PTPRT: variants seen among roughly 807,000 people sequenced by gnomAD.
PTPRT encodes receptor-type tyrosine-protein phosphatase T.
PTPRT carries 56 observed loss-of-function variants against 176.8 expected under a neutral mutation model. The ratio of observed to expected loss-of-function variants is 0.32; its 90% CI spans 0.26 to 0.40. PTPRT has a LOEUF of 0.40. Among genes scored for constraint, PTPRT ranks in the 10% least tolerant of loss-of-function variants. The pLI is 1.00. For synonymous variants in PTPRT, 783 were observed against 739.0 expected, an observed-to-expected ratio of 1.06 and a Z score of -0.96; for missense variants, 1,540 against 1,908.2, an observed-to-expected ratio of 0.81 and a Z score of 3.60.
rs188345151 is a variant in PTPRT at position 42,176,684 on chromosome 20, T to A, written c.2492-15142A>T. ...TCATTCATAAAAATTATAATAAGAC[T>A]AAGGAATGCAAAATAGTTGCAGAGT... is the stretch of plus-strand genomic sequence containing the variant. On this transcript the variant is annotated intron_variant, in intron 16 of 30. Coordinates refer to ENST00000373187, the MANE Select transcript of PTPRT (RefSeq NM_007050.6). Among the ~76,000 whole-genome samples, 391 of 152,234 alleles carry A rather than the reference T, an allele frequency of 2.6e-3. 1 individual carries two copies. The highest frequency in any genetic ancestry group is 3.0e-3 in the Non-Finnish European group (202 of 68,010).
At chr20:42,916,974 C>T (rs1247072549) in intron 1 of PTPRT, among the ~76,000 whole-genome samples, 1 of 152,188 alleles carries the variant, frequency 6.6e-6, no homozygotes, top group African/African-American at 2.4e-5. Context: ...AATGAGATCC[C>T]ATTTGTCTAT....
chr20:42,170,968 C>G (rs1990056769), intron 16 of PTPRT, among the ~76,000 whole-genome samples: 1 of 152,120 alleles, frequency 6.6e-6, no homozygotes, highest in East Asian at 1.9e-4. Context: ...AACATCTAGG[C>G]TGGAAAATGG....
intron 6 of PTPRT, among the ~76,000 whole-genome samples, chr20:42,695,938 A>AG (rs2075866932): frequency 1.3e-5 from 2 of 152,308 alleles, no homozygotes; most frequent in South Asian, 4.1e-4. Flanking sequence ...AATGACCCTC[A>AG]GTGACTCCCT....
intron 13 of PTPRT, among the ~76,000 whole-genome samples, chr20:42,263,116 T>C (rs1452846657): frequency 1.3e-5 from 2 of 152,100 alleles, no homozygotes; most frequent in Non-Finnish European, 2.9e-5. Flanking sequence ...AAAAAAGGGA[T>C]AGGCACTAGG....
chr20:42,786,030 G>A (rs1353564164), intron 3 of PTPRT, among the ~76,000 whole-genome samples: 1 of 152,140 alleles, frequency 6.6e-6, no homozygotes, highest in East Asian at 1.9e-4. Context: ...GATACTGAAT[G>A]AGTTATCACA....
At chr20:42,559,717 T>A (rs999970744) in intron 7 of PTPRT, among the ~76,000 whole-genome samples, 1 of 152,200 alleles carries the variant, frequency 6.6e-6, no homozygotes, top group Admixed American at 6.5e-5. Context: ...CTGATGCTAT[T>A]CTAAATGCAA....
At chr20:42,772,757 C>T (rs1184087516) in intron 4 of PTPRT, among the ~76,000 whole-genome samples, 3 of 152,172 alleles carry the variant, frequency 2.0e-5, no homozygotes, top group Non-Finnish European at 4.4e-5. Context: ...CTTTGGCCAT[C>T]TTTCTACAAG....
chr20:42,561,941 C>T (rs2072959118), intron 7 of PTPRT, among the ~76,000 whole-genome samples: 1 of 152,144 alleles, frequency 6.6e-6, no homozygotes, highest in Non-Finnish European at 1.5e-5. Context: ...GCTGTACCTC[C>T]ATCCGATTGG....
At chr20:42,896,129 G>A (rs904742641) in intron 1 of PTPRT, among the ~76,000 whole-genome samples, 1 of 152,040 alleles carries the variant, frequency 6.6e-6, no homozygotes, top group Non-Finnish European at 1.5e-5. Flanking sequence ...TCATTGGTAA[G>A]GAGTAGTACT....
At chr20:43,030,372 C>CA (rs544921368) in intron 1 of PTPRT, among the ~76,000 whole-genome samples, 125 of 151,938 alleles carry the variant, frequency 8.2e-4, no homozygotes, top group African/African-American at 2.7e-3. Context: ...TATGATGCTC[C>CA]AAAAATAAAT....
intron 9 of PTPRT, among the ~76,000 whole-genome samples, chr20:42,401,610 C>T (rs1027139000): frequency 3.9e-5 from 6 of 152,142 alleles, no homozygotes; most frequent in African/African-American, 7.2e-5. Flanking sequence ...CAAACACCTT[C>T]TCTGCAGCTG....
At chr20:42,160,240 G>A (rs1269728526) in intron 17 of PTPRT, among the ~76,000 whole-genome samples, 1 of 150,966 alleles carries the variant, frequency 6.6e-6, no homozygotes, top group East Asian at 1.9e-4. Context: ...AGGAGGGAAG[G>A]GAGAGACAGG....
chr20:42,265,890 T>C (rs1021620827), intron 13 of PTPRT, among the ~76,000 whole-genome samples: 2 of 152,126 alleles, frequency 1.3e-5, no homozygotes, highest in African/African-American at 4.8e-5. Context: ...GAAAGTTGCT[T>C]TAAGGACAGT....
intron 1 of PTPRT, among the ~76,000 whole-genome samples, chr20:42,992,689 T>G (rs1041555053): frequency 1.3e-5 from 2 of 152,182 alleles, no homozygotes; most frequent in African/African-American, 4.8e-5. Context: ...CACTCCCAAA[T>G]TAGTTGTTTA....
intron 9 of PTPRT, among the ~76,000 whole-genome samples, chr20:42,358,988 G>A (rs2058395515): frequency 6.6e-6 from 1 of 152,162 alleles, no homozygotes; most frequent in Admixed American, 6.5e-5. Flanking sequence ...GAGAGGGTAG[G>A]CCATCAAGAG....
At chr20:42,847,755 A>C (rs974699351) in intron 2 of PTPRT, among the ~76,000 whole-genome samples, 3 of 152,140 alleles carry the variant, frequency 2.0e-5, no homozygotes, top group Non-Finnish European at 4.4e-5. Flanking sequence ...TACCATGTTC[A>C]CCTTGAGACT....
chr20:42,849,078 C>T (rs1021809135), intron 2 of PTPRT, among the ~76,000 whole-genome samples: 2 of 152,134 alleles, frequency 1.3e-5, no homozygotes, highest in Non-Finnish European at 2.9e-5. Context: ...GGTGTCCTTT[C>T]CCCACTTTAT....
chr20:42,633,784 AATATATATATATATATAT>A (rs752371452), intron 7 of PTPRT, among the ~76,000 whole-genome samples: 96 of 53,382 alleles, frequency 1.8e-3, no homozygotes, highest in Non-Finnish European at 2.6e-3. Context: ...AGACTCTGAA[AATATATATATATATATAT>A]ATATATATAT....
At chr20:43,094,335 C>T (rs1210289945) in intron 1 of PTPRT, among the ~76,000 whole-genome samples, 1 of 150,614 alleles carries the variant, frequency 6.6e-6, no homozygotes, top group Non-Finnish European at 1.5e-5. Context: ...ATCCACCCAT[C>T]TCAGCCTCCC....
Sources: gnomAD v4.1 joint callset for allele counts (sites outside exome capture counted in the v4.1 genomes callset) on GRCh38, gnomAD v4.1.1 for gene constraint, MANE v1.5 for transcripts, NCBI Gene and HGNC (gene_info 2026-07-23, HGNC 2026-07-21) for gene names.